TRIP12: variants seen among roughly 807,000 people sequenced by gnomAD.
TRIP12 encodes the protein thyroid hormone receptor interactor 12.
Under a neutral mutation model 244.2 loss-of-function variants are expected in TRIP12, and 25 were observed. That is an observed-to-expected ratio of 0.10 (90% CI 0.07 to 0.14). The LOEUF is 0.14. TRIP12 is among the 10% of genes least tolerant of loss of function. The pLI, the probability that TRIP12 is intolerant of heterozygous loss-of-function variation, is 1.00. For missense variants in TRIP12, 1,677 were observed against 2,486.4 expected, an observed-to-expected ratio of 0.67 and a Z score of 6.92; for synonymous variants, 905 against 873.1, an observed-to-expected ratio of 1.04 and a Z score of -0.64.
intron 13 of TRIP12, among the ~76,000 whole-genome samples, chr2:229,812,803 A>C (rs916741515): frequency 6.6e-5 from 10 of 151,220 alleles, no homozygotes; most frequent in Non-Finnish European, 1.5e-4. Context: ...TCAGTCTCAA[A>C]AACAAAAACA....
chr2:229,879,018 CGAGG>C (rs1396845042), intron 2 of TRIP12, among the ~76,000 whole-genome samples: 1 of 151,958 alleles, frequency 6.6e-6, no homozygotes, highest in African/African-American at 2.4e-5. Flanking sequence ...TTTGGGAGGC[CGAGG>C]CGGGTGAATC....
chr2:229,886,996 T>G (rs2066164997), intron 1 of TRIP12, among the ~76,000 whole-genome samples: 1 of 152,088 alleles, frequency 6.6e-6, no homozygotes, highest in Admixed American at 6.6e-5. Context: ...AAAATAACCC[T>G]AAGGCTACAA....
intron 36 of TRIP12, among the ~76,000 whole-genome samples, chr2:229,777,697 T>C (rs2036720529): frequency 6.6e-6 from 1 of 152,128 alleles, no homozygotes; most frequent in African/African-American, 2.4e-5. Context: ...TTACTGAATA[T>C]CCCAATGCAA....
rs1287483002 is a variant in TRIP12 at position 229,844,310 on chromosome 2, C to G, written c.1028-3383G>C. ...CATCATTTTGCAGGAGAAATGAGCTCAAGGAGAAATGTCTGCCTACTTAAA... is the reference window on the plus strand; with the variant it reads ...CATCATTTTGCAGGAGAAATGAGCTGAAGGAGAAATGTCTGCCTACTTAAA... On this transcript the variant is annotated intron_variant, in intron 4 of 41. Transcript: ENST00000675903. 2.6e-5 allele frequency among the ~76,000 whole-genome samples: 4 copies of G among 152,092 alleles called. No individual in the cohort carries two copies. The East Asian group carries it at 7.7e-4, about 29-fold the overall frequency.
chr2:229,849,935 C>CAAA (rs34774134), intron 4 of TRIP12, among the ~76,000 whole-genome samples: 90 of 143,764 alleles, frequency 6.3e-4, no homozygotes, highest in East Asian at 1.2e-3. Flanking sequence ...TAATACACAC[C>CAAA]AAAAAAAAAA....
intron 22 of TRIP12, 56 bp from the exon 23 acceptor site, chr2:229,799,105 CAACTGATTTTT>C: frequency 6.3e-7 from 1 of 1,592,920 alleles, no homozygotes; most frequent in Non-Finnish European, 8.6e-7. Flanking sequence ...TGATGAAAAA[CAACTGATTTTT>C]AAGATTCACA....
At chr2:229,857,834 T>C (rs929902529) in intron 4 of TRIP12, among the ~76,000 whole-genome samples, 7 of 152,194 alleles carry the variant, frequency 4.6e-5, no homozygotes, top group Non-Finnish European at 7.3e-5. Context: ...GAATGTATTC[T>C]CAAAACACAA....
chr2:229,773,909 CAG>C (rs1384252400), intron 38 of TRIP12, 186 bp downstream of exon 38: 3 of 476,036 alleles, frequency 6.3e-6, no homozygotes, highest in Non-Finnish European at 7.4e-6. Flanking sequence ...TTATATAAGA[CAG>C]GAAATATCTG....
chr2:229,817,569 T>A (rs1240583457), intron 9 of TRIP12, among the ~76,000 whole-genome samples: 1 of 152,182 alleles, frequency 6.6e-6, no homozygotes, highest in African/African-American at 2.4e-5. Flanking sequence ...TTAAAAAGAT[T>A]TTTTAAAGTC....
At chr2:229,787,714 T>TAA in intron 32 of TRIP12, 53 bp from the exon 33 acceptor site, 12 of 1,328,090 alleles carry the variant, frequency 9.0e-6, no homozygotes, top group South Asian at 1.7e-5. Context: ...CAGAAACTAC[T>TAA]AAAAAAAAAA....
intron 15 of TRIP12, among the ~76,000 whole-genome samples, chr2:229,810,454 TA>T (rs1446295661): frequency 2.6e-5 from 4 of 152,206 alleles, no homozygotes; most frequent in Non-Finnish European, 5.9e-5. Flanking sequence ...TTCATCAGTA[TA>T]AATACATTCC....
chr2:229,902,755 GT>G (rs1472741859), intron 1 of TRIP12, among the ~76,000 whole-genome samples: 4 of 152,136 alleles, frequency 2.6e-5, no homozygotes, highest in African/African-American at 4.8e-5. Flanking sequence ...TTCAAAAAAG[GT>G]TCAGGGCATC....
intron 34 of TRIP12, among the ~76,000 whole-genome samples, chr2:229,783,809 T>TA (rs1559371724): frequency 4.3e-4 from 60 of 140,418 alleles, no homozygotes; most frequent in African/African-American, 1.2e-3. Context: ...AAACCATCTT[T>TA]TAAAAAAAAA....
At chr2:229,835,297 T>C (rs552372978) in intron 6 of TRIP12, among the ~76,000 whole-genome samples, 5 of 152,328 alleles carry the variant, frequency 3.3e-5, no homozygotes, top group African/African-American at 7.2e-5. Flanking sequence ...GAAACATAAA[T>C]GACAGTGTAA....
chr2:229,876,172 G>A (rs767580232), intron 2 of TRIP12, among the ~76,000 whole-genome samples: 2 of 152,146 alleles, frequency 1.3e-5, no homozygotes, highest in Non-Finnish European at 2.9e-5. Flanking sequence ...TACTCAGGAG[G>A]CTGAGAGGCA....
intron 8 of TRIP12, among the ~76,000 whole-genome samples, chr2:229,818,975 A>G (rs1206190398): frequency 6.6e-6 from 1 of 152,074 alleles, no homozygotes; most frequent in African/African-American, 2.4e-5. Flanking sequence ...GGGCAAGGAA[A>G]TAAAAAACAC....
At chr2:229,803,501 G>T in intron 20 of TRIP12, 70 bp downstream of exon 20, 3 of 1,019,398 alleles carry the variant, frequency 2.9e-6, no homozygotes, top group South Asian at 1.6e-5. Flanking sequence ...GTTTTTGCTC[G>T]ACAGATTAAA....
chr2:229,889,991 A>C (rs937990668), intron 1 of TRIP12, among the ~76,000 whole-genome samples: 1 of 152,220 alleles, frequency 6.6e-6, no homozygotes, highest in Admixed American at 6.5e-5. Context: ...ACACATAATA[A>C]GGCAATATTT....
intron 4 of TRIP12, 111 bp downstream of exon 4, chr2:229,858,661 A>G: frequency 2.2e-6 from 2 of 910,982 alleles, no homozygotes; most frequent in Non-Finnish European, 3.2e-6. Context: ...AATACATCTA[A>G]GATTATCTAA....
Sources: gnomAD v4.1 joint callset for allele counts (sites outside exome capture counted in the v4.1 genomes callset) on GRCh38, gnomAD v4.1.1 for gene constraint, MANE v1.5 for transcripts, NCBI Gene and HGNC (gene_info 2026-07-23, HGNC 2026-07-21) for gene names.